MYBBP1A: variants seen among roughly 807,000 people sequenced by gnomAD.
The protein encoded by MYBBP1A is MYB binding protein 1a.
Under a neutral mutation model 136.3 loss-of-function variants are expected in MYBBP1A, and 147 were observed. The ratio of observed to expected loss-of-function variants is 1.08; its 90% confidence interval spans 0.94 to 1.24. MYBBP1A has a LOEUF of 1.24. Among genes scored for constraint, MYBBP1A ranks in the 50% most tolerant of loss-of-function variants. MYBBP1A has a pLI of 0.00. For synonymous variants in MYBBP1A, 947 were observed against 735.8 expected, an observed-to-expected ratio of 1.29 and a Z score of -4.65; for missense variants, 2,060 against 1,727.4, an observed-to-expected ratio of 1.19 and a Z score of -3.41.
chr17:4,545,980 T>A (rs1435212861), intron 13 of MYBBP1A, 38 bp from the exon 14 acceptor site: 3 of 1,586,972 alleles, frequency 1.9e-6, no homozygotes, highest in African/African-American at 1.3e-5. Context: ...GGCCAGGCCC[T>A]GTCCCCAGCC....
At chr17:4,551,102 C>G (rs1046829880) in intron 8 of MYBBP1A, among the ~76,000 whole-genome samples, 1 of 152,250 alleles carries the variant, frequency 6.6e-6, no homozygotes, top group Admixed American at 6.5e-5. Context: ...CCACCTCAGC[C>G]TCCCGAGTAA....
chr17:4,554,834 G>A (rs374195556), intron 2 of MYBBP1A, 27 bp downstream of exon 2: 88 of 1,608,188 alleles, frequency 5.5e-5, no homozygotes, highest in Non-Finnish European at 7.1e-5. Context: ...CTGGATGGCT[G>A]GGACCCTGCC....
chr17:4,543,348 A>C, intron 19 of MYBBP1A, 183 bp from the exon 20 acceptor site: 1 of 807,896 alleles, frequency 1.2e-6, no homozygotes, highest in Non-Finnish European at 1.9e-6. Context: ...GTGTGGGCTC[A>C]GAGTGCTGGG....
Position 4,551,264 on chromosome 17 carries a change from T to C in MYBBP1A, c.1023+616A>G, listed in dbSNP as rs570109719. Among the ~76,000 whole-genome samples the C allele has an allele frequency of 3.9e-5, 6 of 152,360 alleles. No individual in the cohort carries two copies. In the South Asian group the frequency reaches 1.2e-3, roughly 32 times the overall value. On this transcript the variant is annotated intron_variant, in intron 8 of 25. Coordinates refer to ENST00000254718, the MANE Select transcript of MYBBP1A (RefSeq NM_014520.4). ...GAACAGTCAACCCAGCAGCACTTACTGGGCACCAGGCTCACTGGTGCCCAA... is the reference window on the plus strand; with the variant it reads ...GAACAGTCAACCCAGCAGCACTTACCGGGCACCAGGCTCACTGGTGCCCAA...
At chr17:4,554,706 G>A (rs1907867907) in intron 2 of MYBBP1A, among the ~76,000 whole-genome samples, 155 bp downstream of exon 2, 2 of 152,160 alleles carry the variant, frequency 1.3e-5, no homozygotes, top group Non-Finnish European at 1.5e-5. Flanking sequence ...CTTTCATGAA[G>A]AGGCCTCCCT....
Position 4,541,443 on chromosome 17 carries a change from G to A in MYBBP1A, c.3297+20C>T, listed in dbSNP as rs774687850. On this transcript the variant is annotated intron_variant, in intron 24 of 25. Coordinates refer to ENST00000254718, the MANE Select transcript of MYBBP1A (RefSeq NM_014520.4). ...CCAAGAGGAACCCGAACACGACCGCGGACTGGGCCCCCGCCTCACCTCATG... is the reference window on the plus strand; with the variant it reads ...CCAAGAGGAACCCGAACACGACCGCAGACTGGGCCCCCGCCTCACCTCATG... 1.1e-5 allele frequency: 17 copies of A among 1,606,674 alleles called. No individual in the cohort carries two copies. The highest frequency in any genetic ancestry group is 6.7e-5 in the African/African-American group (5 of 74,868).
Position 4,545,650 on chromosome 17 carries a change from C to G in MYBBP1A, c.2033G>C (p.Cys678Ser), listed in dbSNP as rs759812120. Reference sequence around the variant, plus strand: ...CAGGGCACGCGGGGTCAGGTGGGAGCAGATGTGGCCAAACACGCTCCGGGC... The same window carrying G: ...CAGGGCACGCGGGGTCAGGTGGGAGGAGATGTGGCCAAACACGCTCCGGGC... Reference protein sequence around the residue: ...QVARSVFGHICSHLTPRALQL... With the variant: ...QVARSVFGHISSHLTPRALQL... Residue 678 changes from cysteine to serine, a missense_variant, in exon 15 of 26, where the codon TGC becomes TCC. Physicochemically the swap from Cys to Ser is moderately radical, Grantham distance 112. Transcript: ENST00000254718. 104 of 1,609,530 alleles carry G rather than the reference C, an allele frequency of 6.5e-5. No individual in the cohort carries two copies. In the Admixed American group the frequency reaches 1.7e-3, roughly 26 times the overall value.
At chr17:4,553,785 G>T in intron 5 of MYBBP1A, 25 bp downstream of exon 5, 1 of 1,588,240 alleles carries the variant, frequency 6.3e-7, no homozygotes, top group Non-Finnish European at 8.6e-7. Context: ...TGTTGCCTGG[G>T]CCCGCACAGC....
At position 4,552,369 on chromosome 17, in the gene MYBBP1A, C is replaced by G; in HGVS notation, c.738-77G>C. 1 of 1,603,416 alleles carries G rather than the reference C, an allele frequency of 6.2e-7. No individual in the cohort carries two copies. Among genetic ancestry groups the G allele is most frequent in the Non-Finnish European group, 8.5e-7 (1 of 1,175,336 alleles). ...GGTGACAAGAGCAGCCGGGACACCC[C>G]CAGGCCAAACGACAAATCTGGGCCT... On this transcript the variant is annotated intron_variant, in intron 6 of 25. Coordinates refer to ENST00000254718, the MANE Select transcript of MYBBP1A (RefSeq NM_014520.4). This position sits in a 1 kb window ranked among gnomAD's most constrained non-coding sequence, Gnocchi z 4.7.
chr17:4,555,334 A>T lies in MYBBP1A; in HGVS notation c.-10T>A. 9 of 1,587,720 alleles carry T rather than the reference A, an allele frequency of 5.7e-6. No individual in the cohort carries two copies. Among genetic ancestry groups the T allele is most frequent in the Non-Finnish European group, 7.7e-6 (9 of 1,168,474 alleles). ...GATCCCGGCTCTCCATCTCCGCCAC[A>T]CTCACCGAAACACGAAACACGTGTG... On this transcript the variant is annotated 5_prime_UTR_variant, in exon 1 of 26. Transcript: ENST00000254718.
chr17:4,554,083 C>T lies in MYBBP1A; in HGVS notation c.389G>A (p.Arg130Lys). Residue 130 changes from arginine (R) to lysine (K), a missense_variant, in exon 4 of 26, where the codon AGA (arginine) becomes AAA (lysine). By Grantham distance (26) the Arg-to-Lys change is conservative (BLOSUM62 2). Transcript: ENST00000254718. ...DLHQVKKAML[R>K]PALFANLFGV... ...AAACAGGTTTGCAAAGAGAGCAGGT[C>T]TCAGCATTGCCTAGAAAAGGATTCC... 6.2e-7 allele frequency: 1 copy of T among 1,614,052 alleles called. No individual in the cohort carries two copies. The highest frequency in any genetic ancestry group is 8.5e-7 in the Non-Finnish European group (1 of 1,180,040).
chr17:4,543,560 C>T lies in MYBBP1A; in HGVS notation c.2640-395G>A, dbSNP rs145691813. Among the ~76,000 whole-genome samples the T allele has an allele frequency of 6.8e-4, 104 of 152,238 alleles. 1 individual carries two copies. The East Asian group carries it at 0.018, about 26-fold the overall frequency. On this transcript the variant is annotated intron_variant, in intron 19 of 25. Coordinates refer to ENST00000254718, the MANE Select transcript of MYBBP1A (RefSeq NM_014520.4). ...TGCAGGGCCGGGGATATAATGGGGGCAAGAGGCAGGATGCTCAACAAACGA... is the reference window on the plus strand; with the variant it reads ...TGCAGGGCCGGGGATATAATGGGGGTAAGAGGCAGGATGCTCAACAAACGA...
intron 8 of MYBBP1A, among the ~76,000 whole-genome samples, chr17:4,550,702 C>T (rs1279405330): frequency 1.3e-5 from 2 of 152,262 alleles, no homozygotes; most frequent in Admixed American, 6.5e-5. Context: ...CCTGGCTCAA[C>T]GCAGGGCAGA....
intron 24 of MYBBP1A, among the ~76,000 whole-genome samples, chr17:4,540,705 C>CT (rs1331500532): frequency 1.3e-5 from 2 of 152,102 alleles, no homozygotes; most frequent in African/African-American, 4.8e-5. Flanking sequence ...AGCCAAAGGC[C>CT]TGGTCTCAGA....
chr17:4,541,368 C>G (rs1906405373), intron 24 of MYBBP1A, 95 bp downstream of exon 24: 1 of 1,120,976 alleles, frequency 8.9e-7, no homozygotes, highest in Non-Finnish European at 1.3e-6. Context: ...ACCCCCATCC[C>G]TGCAGTCCAG....
chr17:4,554,478 C>T (rs1487240227), intron 2 of MYBBP1A, among the ~76,000 whole-genome samples, 200 bp from the exon 3 acceptor site: 1 of 152,166 alleles, frequency 6.6e-6, no homozygotes, highest in Non-Finnish European at 1.5e-5. Context: ...CGCACGTGGT[C>T]TGAGCTCCCC....
In MYBBP1A at chr17:4,545,858, T is replaced by G. The variant is rs760138795; in HGVS notation, c.1909A>C (p.Thr637Pro). The G allele has an allele frequency of 6.2e-7, 1 of 1,613,216 alleles. No homozygotes were observed. The highest frequency in any genetic ancestry group is 2.2e-5 in the East Asian group (1 of 44,862). Residue 637 changes from threonine (T) to proline (P), a missense_variant, in exon 14 of 26, where the codon ACC (threonine) becomes CCC (proline). By Grantham distance (38) the Thr-to-Pro change is conservative. Transcript: ENST00000254718. ...SLGEKPRRSR[T>P]KTIDPQEPPW... ...ACCAAGGACCCACCGATGGTCTTGGTGCGGCTCCGGCGGGGCTTCTCTCCC... is the reference window on the plus strand; with the variant it reads ...ACCAAGGACCCACCGATGGTCTTGGGGCGGCTCCGGCGGGGCTTCTCTCCC...
At position 4,554,180 on chromosome 17, in the gene MYBBP1A, T is replaced by C. The variant is rs1259196853; in HGVS notation, c.378+15A>G. 6.2e-7 allele frequency: 1 copy of C among 1,613,730 alleles called. No individual in the cohort carries two copies. The highest frequency in any genetic ancestry group is 1.1e-5 in the South Asian group (1 of 91,074). The stretch of plus-strand genomic sequence containing the variant: ...CCACCCCTGGGGCTGCTGACCTCCC[T>C]GGCCCCACTCTCACCTTCTTCACCT... On this transcript the variant is annotated intron_variant, in intron 3 of 25. Transcript: ENST00000254718.
rs1460688460 is a variant in MYBBP1A, at chr17:4,550,218, C to T, written c.1159G>A (p.Val387Ile). 7.4e-6 allele frequency: 12 copies of T among 1,613,884 alleles called. No homozygotes were observed. The Middle Eastern group carries it at 1.2e-3, about 155-fold the overall frequency. Reference sequence around the variant, plus strand: ...ACGACCCGCCAGAAAGTAGGCGTGACAGGGAGGCCTTGGTTGGTGACAGAT... The same window carrying T: ...ACGACCCGCCAGAAAGTAGGCGTGATAGGGAGGCCTTGGTTGGTGACAGAT... ...FSSVTNQGLP[V>I]TPTFWRVVRF... Residue 387 changes from valine to isoleucine, a missense_variant, in exon 9 of 26, where the codon GTC becomes ATC. Transcript: ENST00000254718.
Sources: allele counts gnomAD v4.1 joint callset (sites outside exome capture counted in the v4.1 genomes callset), GRCh38; gene constraint gnomAD v4.1.1; non-coding constraint Gnocchi (gnomAD v3.1); transcripts MANE v1.5; gene names NCBI Gene and HGNC (gene_info 2026-07-23, HGNC 2026-07-21).